The following MYO1G variants were observed in gnomAD, a reference collection of about 807,000 sequenced individuals.
The protein encoded by MYO1G is myosin IG, also known as unconventional myosin-Ig.
MYO1G carries 65 observed loss-of-function variants against 115.3 expected under a neutral mutation model. The observed-to-expected ratio is 0.56, with a 90% CI of 0.46 to 0.69. The LOEUF is 0.69. MYO1G is among the 30% of genes least tolerant of loss of function. The pLI is 0.00. For missense variants in MYO1G, 1,204 were observed against 1,393.5 expected, an observed-to-expected ratio of 0.86 and a Z score of 2.16; for synonymous variants, 510 against 552.6, an observed-to-expected ratio of 0.92 and a Z score of 1.08.
chr7:44,967,618 T>G lies in MYO1G; in HGVS notation c.1769A>C (p.Asn590Thr), dbSNP rs767130263. ...GGTGGAACATACCTTGGAGGCAAGGTTCTCCACCAGGGCCACCATGGAGTT... is the reference window on the plus strand; with the variant it reads ...GGTGGAACATACCTTGGAGGCAAGGGTCTCCACCAGGGCCACCATGGAGTT... The part of the protein sequence containing the change: ...FKNSMVALVE[N>T]LASKEPFYVR... Residue 590 changes from asparagine to threonine, a missense_variant, in exon 14 of 22, where the codon AAC becomes ACC. Transcript: ENST00000258787. 6.8e-6 allele frequency: 11 copies of G among 1,613,758 alleles called. No individual in the cohort carries two copies. Among genetic ancestry groups the G allele is most frequent in the Non-Finnish European group, 9.3e-6 (11 of 1,180,002 alleles).
chr7:44,978,031 A>AAAGTGCTTAGCTCACGTCCTGGCTAAT lies in MYO1G; in HGVS notation c.95+835_95+836insATTAGCCAGGACGTGAGCTAAGCACTT, dbSNP rs1487427089. Among the ~76,000 whole-genome samples the AAAGTGCTTAGCTCACGTCCTGGCTAAT allele has an allele frequency of 1.7e-4, 26 of 152,320 alleles. No homozygotes were observed. In the East Asian group the frequency reaches 4.8e-3, roughly 28 times the overall value. On this transcript the variant is annotated intron_variant, in intron 1 of 21. Transcript: ENST00000258787. ...AAGAATGAGGTAGAACAATGTGCAC[A>AAAGTGCTTAGCTCACGTCCTGGCTAAT]AAGTGCTTAGCTCACGTCCTGGCTA...
At chr7:44,967,863 T>G (rs1034455013) in intron 13 of MYO1G, 21 bp downstream of exon 13, 1 of 1,613,500 alleles carries the variant, frequency 6.2e-7, no homozygotes, top group African/African-American at 1.3e-5. Flanking sequence ...CTCCCTATGG[T>G]GCCCAGCAAG....
At position 44,970,902 on chromosome 7, in the gene MYO1G, C is replaced by T. The variant is rs374832205; in HGVS notation, c.1004G>A (p.Gly335Asp). Residue 335 changes from glycine to aspartate, a missense_variant, in exon 8 of 22, where the codon GGC becomes GAC. Gly to Asp is a moderately conservative substitution (Grantham distance 94). Coordinates refer to ENST00000258787, the MANE Select transcript of MYO1G (RefSeq NM_033054.3). Reference protein sequence around the residue: ...SLLARTVASGGRELIEKGHTA... With the variant: ...SLLARTVASGDRELIEKGHTA... ...GTGGCCCTTCTCTATGAGTTCCCTG[C>T]CTCCCGAGGCAACTGTGCGAGCCAG... is the stretch of plus-strand genomic sequence containing the variant. The T allele has an allele frequency of 6.2e-7, 1 of 1,613,574 alleles. No homozygotes were observed. Among genetic ancestry groups the T allele is most frequent in the Admixed American group, 1.7e-5 (1 of 60,018 alleles).
intron 5 of MYO1G, chr7:44,974,524 G>C (rs1478142484): frequency 6.4e-6 from 1 of 155,092 alleles, no homozygotes; most frequent in Non-Finnish European, 1.4e-5. Flanking sequence ...CAAGTCCCTA[G>C]AGACACTGCT....
Position 44,966,437 on chromosome 7 carries a change from C to G in MYO1G, c.1950-157G>C. 1.2e-6 allele frequency: 1 copy of G among 821,478 alleles called. No individual in the cohort carries two copies. The highest frequency in any genetic ancestry group is 1.5e-5 in the South Asian group (1 of 68,936). The allele number at this position is 821,478 out of a possible 1,614,324, so 50.9% of individuals were successfully genotyped here. ...ACATATGTCTTCCCATACACATGTC[C>G]TCACATACATGTCCTCACACAGCCC... On this transcript the variant is annotated intron_variant, in intron 15 of 21. Transcript: ENST00000258787. The surrounding 1 kb of genome is among the most constrained non-coding windows in gnomAD (Gnocchi z 5.0).
chr7:44,968,164 A>G lies in MYO1G; in HGVS notation c.1575-206T>C, dbSNP rs546874343. Among the ~76,000 whole-genome samples the G allele has an allele frequency of 2.0e-5, 3 of 152,134 alleles. No individual in the cohort carries two copies. The East Asian group carries it at 5.8e-4, about 29-fold the overall frequency. On this transcript the variant is annotated intron_variant, in intron 12 of 21. Coordinates refer to ENST00000258787, the MANE Select transcript of MYO1G (RefSeq NM_033054.3). ...TGTAAGACTCCCTCCCTCAGGAGAC[A>G]TTTCTCTCCTGGAAGATGAATCGAG...
chr7:44,963,131 G>T lies in MYO1G; in HGVS notation c.2746-7C>A. 1 of 1,450,102 alleles carries T rather than the reference G, an allele frequency of 6.9e-7. No homozygotes were observed. The highest frequency in any genetic ancestry group is 2.6e-5 in the Admixed American group (1 of 38,594). The allele number at this position is 1,450,102 out of a possible 1,614,324, so 89.8% of individuals were successfully genotyped here. On this transcript the variant is annotated splice_region_variant and splice_polypyrimidine_tract_variant and intron_variant, in intron 20 of 21. Coordinates refer to ENST00000258787, the MANE Select transcript of MYO1G (RefSeq NM_033054.3). The surrounding 1 kb of genome is among the most constrained non-coding windows in gnomAD (Gnocchi z 4.1). ...TCACGCTCAGCCCCGTCACCTGAGC[G>T]GAGCGCGGGGTCAGAGTGCAGCCGC...
chr7:44,972,278 T>C (rs1794973536), intron 5 of MYO1G, 53 bp from the exon 6 acceptor site: 1 of 1,270,440 alleles, frequency 7.9e-7, no homozygotes, highest in Middle Eastern at 1.9e-4. Context: ...TGTCCCCCTG[T>C]ACACACACAC....
rs760012377 is a variant in MYO1G at position 44,966,731 on chromosome 7, A to G, written c.1890T>C (p.Asn630=). The G allele has an allele frequency of 1.2e-6, 2 of 1,613,288 alleles. No individual in the cohort carries two copies. Among genetic ancestry groups the G allele is most frequent in the South Asian group, 2.2e-5 (2 of 91,082 alleles). Residue 630 remains asparagine (N), a synonymous_variant, in exon 15 of 22, where the codon AAT becomes AAC. Coordinates refer to ENST00000258787, the MANE Select transcript of MYO1G (RefSeq NM_033054.3). This position sits in a 1 kb window ranked among gnomAD's most constrained non-coding sequence, Gnocchi z 5.0. Reference sequence around the variant, plus strand: ...CGAAGCCAGCCCTGCGGACCCTCACATTCTCCAGCAGCCCCAGGTATGCGA... The same window carrying G: ...CGAAGCCAGCCCTGCGGACCCTCACGTTCTCCAGCAGCCCCAGGTATGCGA... ...HQVAYLGLLE[N]VRVRRAGFAS...
chr7:44,967,489 A>G lies in MYO1G; in HGVS notation c.1782+116T>C, dbSNP rs1794867609. On this transcript the variant is annotated intron_variant, in intron 14 of 21. Coordinates refer to ENST00000258787, the MANE Select transcript of MYO1G (RefSeq NM_033054.3). ...AGCAGATGTGGCTCATACAGACAGG[A>G]CAAGAACCCTCTCCCCACCACTATG... The G allele has an allele frequency of 3.6e-6, 5 of 1,395,128 alleles. No homozygotes were observed. In the South Asian group the frequency reaches 6.4e-5, roughly 18 times the overall value. 86.4% of individuals were successfully genotyped at this position (1,395,128 alleles called of 1,614,324 possible).
chr7:44,969,075 C>T lies in MYO1G; in HGVS notation c.1574+338G>A. The T allele has an allele frequency of 3.3e-6, 1 of 300,348 alleles. No individual in the cohort carries two copies. Among genetic ancestry groups the T allele is most frequent in the South Asian group, 3.6e-5 (1 of 28,092 alleles). The allele number at this position is 300,348 out of a possible 1,614,324, so 18.6% of individuals were successfully genotyped here. ...TTAGAAATGCAGAATCTTGGCCCCC[C>T]TGCACCTTCCACTCCCTCCCCACCC... is the stretch of plus-strand genomic sequence containing the variant. On this transcript the variant is annotated intron_variant, in intron 12 of 21. Coordinates refer to ENST00000258787, the MANE Select transcript of MYO1G (RefSeq NM_033054.3). The surrounding 1 kb of genome is among the most constrained non-coding windows in gnomAD (Gnocchi z 5.0).
At position 44,967,728 on chromosome 7, in the gene MYO1G, G is replaced by A. The variant is rs1259649109; in HGVS notation, c.1659C>T (p.Pro553=). ...FKRLLYNSTD[P]TLRAMWPDGQ... is the part of the protein sequence containing the mutation. ...CGTCCGGCCACATGGCCCGTAGAGT[G>A]GGGTCCGTGCTGCAGACACAGGCCG... Residue 553 remains proline, a synonymous_variant, in exon 14 of 22, where the codon CCC becomes CCT. Transcript: ENST00000258787. 1.2e-6 allele frequency: 2 copies of A among 1,613,548 alleles called. No homozygotes were observed. The highest frequency in any genetic ancestry group is 1.7e-6 in the Non-Finnish European group (2 of 1,180,010).
At chr7:44,970,331 A>T (rs1583790345) in intron 9 of MYO1G, among the ~76,000 whole-genome samples, 177 bp from the exon 10 acceptor site, 1 of 151,726 alleles carries the variant, frequency 6.6e-6, no homozygotes, top group South Asian at 2.1e-4. Flanking sequence ...CCCCACCCAC[A>T]CCTCCTGCAT....
rs992174172 is a variant in MYO1G, at chr7:44,962,902, C to T, written c.2901-7G>A. ...CTCCAGGGTGCGGCCCTCCCTGCGGCAGGAGGAGGGGTCAGGGCGGCCACG... is the reference window on the plus strand; with the variant it reads ...CTCCAGGGTGCGGCCCTCCCTGCGGTAGGAGGAGGGGTCAGGGCGGCCACG... On this transcript the variant is annotated splice_region_variant and splice_polypyrimidine_tract_variant and intron_variant, in intron 21 of 21. Transcript: ENST00000258787. The surrounding 1 kb of genome is among the most constrained non-coding windows in gnomAD (Gnocchi z 5.3). 2.7e-6 allele frequency: 4 copies of T among 1,489,158 alleles called. No homozygotes were observed. The highest frequency in any genetic ancestry group is 2.3e-5 in the Admixed American group (1 of 42,684). The allele number at this position is 1,489,158 out of a possible 1,614,324, so 92.2% of individuals were successfully genotyped here. A position where few individuals can be genotyped will look rare whatever the true frequency, so the allele number is the denominator to read the frequency against.
Position 44,975,178 on chromosome 7 carries a change from T to C in MYO1G, c.614A>G (p.Tyr205Cys), listed in dbSNP as rs1795025664. The change falls in exon 5 of 22, where the codon TAC becomes TGC. Residue 205 changes from tyrosine to cysteine, a missense_variant. Physicochemically the swap from Tyr to Cys is radical, Grantham distance 194. Coordinates refer to ENST00000258787, the MANE Select transcript of MYO1G (RefSeq NM_033054.3). ...CCCCTTGCCCTCAGGGCTTACTTGG[T>C]AGAAGGCGTGGAAGTTTCTTTCACC... ...HVGERNFHAF[Y>C]QLLRGSEDKQ... 6.2e-7 allele frequency: 1 copy of C among 1,613,994 alleles called. No homozygotes were observed. The highest frequency in any genetic ancestry group is 2.2e-5 in the East Asian group (1 of 44,864).
Position 44,978,988 on chromosome 7 carries a change from A to T in MYO1G, c.-27T>A. On this transcript the variant is annotated 5_prime_UTR_variant, in exon 1 of 22. Coordinates refer to ENST00000258787, the MANE Select transcript of MYO1G (RefSeq NM_033054.3). ...CTGCCGGCTGGAAACACCTTGCCTC[A>T]CCTTCCTGTGCCTGCTGGAAGGACA... 1 of 1,609,060 alleles carries T rather than the reference A, an allele frequency of 6.2e-7. No individual in the cohort carries two copies. The highest frequency in any genetic ancestry group is 8.5e-7 in the Non-Finnish European group (1 of 1,175,638).
In MYO1G at chr7:44,972,213, T is replaced by C; in HGVS notation, c.631A>G (p.Ser211Gly). 2.5e-6 allele frequency: 4 copies of C among 1,613,826 alleles called. No homozygotes were observed. Among genetic ancestry groups the C allele is most frequent in the Non-Finnish European group, 3.4e-6 (4 of 1,179,796 alleles). ...AGTTCATGCAGCTGCTTGTCCTCAC[T>C]GCCTCTCAGCAACTAGAGGACACAG... ...FHAFYQLLRGSEDKQLHELHL... is the reference protein window; with the variant it reads ...FHAFYQLLRGGEDKQLHELHL... Residue 211 changes from serine (S) to glycine (G), a missense_variant, in exon 6 of 22, where the codon AGT becomes GGT. By Grantham distance (56) the Ser-to-Gly change is moderately conservative (BLOSUM62 0). Transcript: ENST00000258787.
At position 44,967,704 on chromosome 7, in the gene MYO1G, G is replaced by A. The variant is rs1193470170; in HGVS notation, c.1683C>T (p.Asp561=). The A allele has an allele frequency of 7.4e-6, 12 of 1,613,574 alleles. No homozygotes were observed. The African/African-American group carries it at 8.0e-5, about 11-fold the overall frequency. ...TCACCTCTGTGATGTCCTGCTGCCC[G>A]TCCGGCCACATGGCCCGTAGAGTGG... ...TDPTLRAMWP[D]GQQDITEVTK... is the part of the protein sequence containing the mutation. The change falls in exon 14 of 22, where the codon GAC becomes GAT. Residue 561 remains aspartate (D), a synonymous_variant. Transcript: ENST00000258787.
rs1034158447 is a variant in MYO1G at position 44,963,212 on chromosome 7, G to A, written c.2746-88C>T. ...ACCCCCTCCCCAGGAAGCCTCTGCCGAACCCCCAACCGCACCCGGGGAGCG... is the reference window on the plus strand; with the variant it reads ...ACCCCCTCCCCAGGAAGCCTCTGCCAAACCCCCAACCGCACCCGGGGAGCG... On this transcript the variant is annotated intron_variant, in intron 20 of 21. Coordinates refer to ENST00000258787, the MANE Select transcript of MYO1G (RefSeq NM_033054.3). The surrounding 1 kb of genome is among the most constrained non-coding windows in gnomAD (Gnocchi z 4.1). 66 of 1,365,910 alleles carry A rather than the reference G, an allele frequency of 4.8e-5. 1 individual carries two copies. The African/African-American group carries it at 8.8e-4, about 18-fold the overall frequency. 84.6% of individuals were successfully genotyped at this position (1,365,910 alleles called of 1,614,324 possible). A position where few individuals can be genotyped will look rare whatever the true frequency, so the allele number is the denominator to read the frequency against.
Sources: allele counts gnomAD v4.1 joint callset (sites outside exome capture counted in the v4.1 genomes callset), GRCh38; gene constraint gnomAD v4.1.1; non-coding constraint Gnocchi (gnomAD v3.1); transcripts MANE v1.5; gene names NCBI Gene and HGNC (gene_info 2026-07-23, HGNC 2026-07-21).